Variants in RAVER2 observed in about 807,000 individuals in gnomAD.
The protein encoded by RAVER2 is ribonucleoprotein, PTB binding 2.
In RAVER2, 46 loss-of-function variants were observed where a neutral mutation model predicts 78.1. That is an observed-to-expected ratio of 0.59 (90% CI 0.46 to 0.75). The LOEUF (loss-of-function observed/expected upper bound fraction) is 0.75, where lower values mean the gene tolerates loss of function less well. Among genes scored for constraint, RAVER2 ranks in the 30% least tolerant of loss-of-function variants. The pLI, the probability that RAVER2 is intolerant of heterozygous loss-of-function variation, is 0.00. For missense variants in RAVER2, 793 were observed against 837.5 expected, an observed-to-expected ratio of 0.95 and a Z score of 0.66; for synonymous variants, 311 against 313.3, an observed-to-expected ratio of 0.99 and a Z score of 0.08.
At chr1:64,789,407 G>C in exon 5 of RAVER2, 1 of 1,608,286 alleles carries the variant, frequency 6.2e-7, no homozygotes, top group Non-Finnish European at 8.5e-7. Context: ...AATCAAAAGG[G>C]CTTACTTCCA....
chr1:64,828,165 C>A (rs1039189298), intron 11 of RAVER2, among the ~76,000 whole-genome samples: 14 of 130,136 alleles, frequency 1.1e-4, no homozygotes, highest in East Asian at 2.8e-4. Flanking sequence ...CCACCCCCCC[C>A]ACCCCCCGCC....
At position 64,807,226 on chromosome 1, in the gene RAVER2, C is replaced by G; in HGVS notation, c.1432C>G (p.Gln478Glu). The G allele has an allele frequency of 6.2e-7, 1 of 1,613,826 alleles. No individual in the cohort carries two copies. Among genetic ancestry groups the G allele is most frequent in the Non-Finnish European group, 8.5e-7 (1 of 1,179,740 alleles). The stretch of plus-strand genomic sequence containing the variant: ...TACAGCATCTAGCCTGATTCCAACT[C>G]AAACAACGATAACAGCTGGAATGGG... Residue 478 changes from glutamine to glutamate, a missense_variant, in exon 9 of 12, where the codon CAA (glutamine) becomes GAA (glutamate). Transcript: ENST00000294428.
chr1:64,772,959 G>A (rs1318974305), intron 2 of RAVER2, among the ~76,000 whole-genome samples: 1 of 152,034 alleles, frequency 6.6e-6, no homozygotes, highest in Non-Finnish European at 1.5e-5. Flanking sequence ...TTAAACTTCT[G>A]TTTTTTAGAG....
chr1:64,805,673 A>G (rs1653398318), intron 8 of RAVER2, among the ~76,000 whole-genome samples: 1 of 152,204 alleles, frequency 6.6e-6, no homozygotes. Flanking sequence ...GGGCATTTTC[A>G]GCTTGAAGCT....
chr1:64,773,394 C>G (rs1373953188), intron 2 of RAVER2, among the ~76,000 whole-genome samples: 1 of 151,544 alleles, frequency 6.6e-6, no homozygotes, highest in Non-Finnish European at 1.5e-5. Flanking sequence ...TCCATTTGTT[C>G]TCATTGTTCA....
At chr1:64,765,503 G>C (rs1038598701) in intron 1 of RAVER2, among the ~76,000 whole-genome samples, 1 of 152,172 alleles carries the variant, frequency 6.6e-6, no homozygotes, top group Non-Finnish European at 1.5e-5. Context: ...TCAAGGCACA[G>C]AAGTTTAAAA....
At chr1:64,797,502 AG>A (rs1570565098) in intron 5 of RAVER2, among the ~76,000 whole-genome samples, 1 of 152,350 alleles carries the variant, frequency 6.6e-6, no homozygotes, top group East Asian at 1.9e-4. Context: ...GATATGAAAA[AG>A]AGAAGAAGAG....
chr1:64,784,588 A>G (rs534083314), intron 4 of RAVER2, among the ~76,000 whole-genome samples: 4 of 152,260 alleles, frequency 2.6e-5, no homozygotes, highest in Admixed American at 6.5e-5. Flanking sequence ...TTTCAGACCA[A>G]ACTGCTCTCA....
At chr1:64,826,235 T>G (rs540779656) in intron 11 of RAVER2, among the ~76,000 whole-genome samples, 33 of 152,300 alleles carry the variant, frequency 2.2e-4, no homozygotes, top group African/African-American at 7.2e-4. Flanking sequence ...CTTATAAGAA[T>G]GGAACTTACA....
chr1:64,817,749 G>C (rs1653788493), intron 11 of RAVER2, among the ~76,000 whole-genome samples: 1 of 134,742 alleles, frequency 7.4e-6, no homozygotes. Context: ...ACTGGGGCCT[G>C]TCGTGGGGTG....
intron 4 of RAVER2, among the ~76,000 whole-genome samples, chr1:64,785,367 C>CTTTTTTTTTTTTTTTTTTTTTTTTTTTT (rs67544814): frequency 7.7e-6 from 1 of 129,660 alleles, no homozygotes; most frequent in Non-Finnish European, 1.6e-5. Flanking sequence ...CTGTCCCTAA[C>CTTTTTTTTTTTTTTTTTTTTTTTTTTTT]TTTTTTTTTT....
intron 11 of RAVER2, chr1:64,815,600 C>T (rs1048917644): frequency 6.6e-6 from 1 of 152,160 alleles, no homozygotes; most frequent in Non-Finnish European, 1.5e-5. Flanking sequence ...CTAGAACAGC[C>T]AGCTTCTTCT....
At chr1:64,759,794 G>T (rs1256474431) in intron 1 of RAVER2, among the ~76,000 whole-genome samples, 4 of 150,898 alleles carry the variant, frequency 2.7e-5, no homozygotes, top group Admixed American at 2.6e-4. Flanking sequence ...GGGATTAGAG[G>T]TGTAAGCCAC....
intron 1 of RAVER2, 126 bp from the exon 2 acceptor site, chr1:64,768,530 A>T: frequency 1.5e-6 from 1 of 668,922 alleles, no homozygotes. Context: ...GATCCATGAA[A>T]TAATTTTTTT....
intron 4 of RAVER2, among the ~76,000 whole-genome samples, 172 bp downstream of exon 4, chr1:64,781,743 GTTAA>G (rs1652636208): frequency 6.6e-6 from 1 of 151,948 alleles, no homozygotes; most frequent in South Asian, 2.1e-4. Context: ...TGGTTTCCTT[GTTAA>G]GTCAAGCCAG....
intron 1 of RAVER2, among the ~76,000 whole-genome samples, chr1:64,760,895 G>A (rs899579290): frequency 6.6e-6 from 1 of 152,086 alleles, no homozygotes; most frequent in African/African-American, 2.4e-5. Flanking sequence ...CAATTCTTAA[G>A]GTACACCACT....
chr1:64,807,093 C>T, intron 8 of RAVER2, 113 bp from the exon 9 acceptor site: 2 of 1,245,564 alleles, frequency 1.6e-6, no homozygotes, highest in Non-Finnish European at 1.1e-6. Flanking sequence ...TGTTATCTAA[C>T]AGGTACAAAA....
At chr1:64,829,904 A>G (rs781005732) in intron 11 of RAVER2, among the ~76,000 whole-genome samples, 2 of 152,058 alleles carry the variant, frequency 1.3e-5, no homozygotes, top group South Asian at 2.1e-4. Context: ...TCCCTCTAAC[A>G]TGGACCACTG....
At chr1:64,829,082 C>T (rs1654064850) in intron 11 of RAVER2, among the ~76,000 whole-genome samples, 1 of 148,100 alleles carries the variant, frequency 6.8e-6, no homozygotes, top group African/African-American at 2.5e-5. Context: ...AGTTGGTTCT[C>T]ACTGTGAATG....
Sources: gnomAD v4.1 joint callset for allele counts (sites outside exome capture counted in the v4.1 genomes callset) on GRCh38, gnomAD v4.1.1 for gene constraint, MANE v1.5 for transcripts, NCBI Gene and HGNC (gene_info 2026-07-23, HGNC 2026-07-21) for gene names.